Variants in MTA2 observed in about 807,000 individuals in gnomAD.
MTA2 encodes metastasis associated 1 family member 2.
In MTA2, 22 loss-of-function variants were observed where a neutral mutation model predicts 87.1. The ratio of observed to expected loss-of-function variants is 0.25; its 90% confidence interval spans 0.18 to 0.36. MTA2 has a LOEUF of 0.36. Ranked by LOEUF, MTA2 falls within the 10% of genes least tolerant of loss-of-function variation. The probability of loss-of-function intolerance (pLI) is 1.00; values close to 1 mark genes in which losing one functional copy is unlikely to be tolerated. For synonymous variants in MTA2, 314 were observed against 310.1 expected, an observed-to-expected ratio of 1.01 and a Z score of -0.13; for missense variants, 542 against 853.2, an observed-to-expected ratio of 0.64 and a Z score of 4.54.
At chr11:62,600,106 G>A (rs1942156298) in intron 3 of MTA2, 60 bp downstream of exon 3, 1 of 1,485,406 alleles carries the variant, frequency 6.7e-7, no homozygotes, top group Admixed American at 1.7e-5. Flanking sequence ...AATACCTGCA[G>A]GGACATGCCC....
rs1590730144 is a variant in MTA2, at chr11:62,596,060, C to T, written c.1064G>A (p.Gly355Asp). Residue 355 changes from glycine (G) to aspartate (D), a missense_variant, in exon 12 of 18, where the codon GGC (glycine) becomes GAC (aspartate). Physicochemically the swap from Gly to Asp is moderately conservative, Grantham distance 94 (BLOSUM62 -1). Transcript: ENST00000278823. ...NQIISVGSKP[G>D]MNGAGFQKGL... ...CTTCTGAAATCCAGCCCCATTCATG[C>T]CAGGTTTTGAACCCACAGAAATGAT... is the stretch of plus-strand genomic sequence containing the variant. 1 of 1,614,166 alleles carries T rather than the reference C, an allele frequency of 6.2e-7. No homozygotes were observed. The highest frequency in any genetic ancestry group is 1.1e-5 in the South Asian group (1 of 91,084).
In MTA2 at chr11:62,596,619, C is replaced by G; in HGVS notation, c.882+18G>C. ...CCTGTCATCTCTCCCACTTCTCCTC[C>G]TAGTGCCATCCACTTACAAAATCCT... On this transcript the variant is annotated intron_variant, in intron 9 of 17. Coordinates refer to ENST00000278823, the MANE Select transcript of MTA2 (RefSeq NM_004739.4). 6.2e-7 allele frequency: 1 copy of G among 1,611,680 alleles called. No homozygotes were observed. The highest frequency in any genetic ancestry group is 1.7e-5 in the Admixed American group (1 of 59,900).
At chr11:62,601,085 G>C (rs12223627) in intron 1 of MTA2, 121,873 of 504,044 alleles carry the variant, frequency 0.24, 16,815 homozygotes, top group Non-Finnish European at 0.29. Context: ...GCTCCCCCGC[G>C]GTGGCAAAGC....
At chr11:62,594,886 G>T in intron 15 of MTA2, 95 bp downstream of exon 15, 1 of 1,142,548 alleles carries the variant, frequency 8.8e-7, no homozygotes, top group Non-Finnish European at 1.3e-6. Context: ...AAATCTCTGA[G>T]GACACTATGA....
intron 8 of MTA2, 92 bp from the exon 9 acceptor site, chr11:62,596,917 C>G (rs570116285): frequency 1.5e-6 from 2 of 1,306,640 alleles, no homozygotes; most frequent in African/African-American, 1.5e-5. Context: ...CGGCCGGGCG[C>G]GGTGGCTCAC....
intron 5 of MTA2, 45 bp from the exon 6 acceptor site, chr11:62,598,186 A>C: frequency 6.3e-7 from 1 of 1,598,322 alleles, no homozygotes; most frequent in South Asian, 1.1e-5. Flanking sequence ...CAATCCACAT[A>C]GGCGGCGGGG....
At chr11:62,600,499 T>A (rs905424214) in intron 2 of MTA2, 123 bp downstream of exon 2, 1 of 968,238 alleles carries the variant, frequency 1.0e-6, no homozygotes, top group South Asian at 1.7e-5. Flanking sequence ...CCTGAATACA[T>A]CCAATGAATG....
Sources: allele counts gnomAD v4.1 joint callset, GRCh38; gene constraint gnomAD v4.1.1; transcripts MANE v1.5; gene names NCBI Gene and HGNC (gene_info 2026-07-23, HGNC 2026-07-21).